MARK3: variants seen among roughly 807,000 people sequenced by gnomAD.
MARK3 encodes microtubule affinity regulating kinase 3, also known as MAP/microtubule affinity-regulating kinase 3.
A neutral mutation model predicts 90.1 loss-of-function variants in MARK3; 46 were observed. The ratio of observed to expected loss-of-function variants is 0.51; its 90% CI spans 0.40 to 0.65. MARK3 has a LOEUF of 0.65. Ranked by LOEUF, MARK3 falls within the 30% of genes least tolerant of loss-of-function variation. MARK3 has a pLI of 0.00. For missense variants in MARK3, 818 were observed against 947.2 expected (o/e 0.86, Z 1.79); for synonymous variants, 321 against 332.6 (o/e 0.97, Z 0.38).
chr14:103,424,130 A>G (rs2092320275), intron 2 of MARK3, among the ~76,000 whole-genome samples: 2 of 152,056 alleles, frequency 1.3e-5, no homozygotes, highest in Admixed American at 6.5e-5. Context: ...GAATTGCTCG[A>G]ACCCGGGAGG....
At chr14:103,387,467 CTTATTTATTTGT>C (rs1595395931) in intron 1 of MARK3, among the ~76,000 whole-genome samples, 1 of 136,600 alleles carries the variant, frequency 7.3e-6, no homozygotes, top group Non-Finnish European at 1.7e-5. Context: ...TTAAAGAAAC[CTTATTTATTTGT>C]TTATTTATTT....
chr14:103,480,736 G>T (rs1855128180), intron 14 of MARK3, among the ~76,000 whole-genome samples: 2 of 152,206 alleles, frequency 1.3e-5, no homozygotes, highest in African/African-American at 4.8e-5. Flanking sequence ...AACCCAGGGG[G>T]TTTCCTAGAG....
Position 103,473,615 on chromosome 14 carries a change from C to T in MARK3, c.1265-1378C>T, listed in dbSNP as rs144466242. Among the ~76,000 whole-genome samples the T allele has an allele frequency of 7.9e-5, 12 of 152,286 alleles. No homozygotes were observed. In the East Asian group the frequency reaches 1.2e-3, roughly 15 times the overall value. ...CGAAAGCTTAGTTGTTGTTCTCCCACAAATAAAATTAAGCCCTCATTTACT... is the reference window on the plus strand; with the variant it reads ...CGAAAGCTTAGTTGTTGTTCTCCCATAAATAAAATTAAGCCCTCATTTACT... On this transcript the variant is annotated intron_variant, in intron 12 of 17. Transcript: ENST00000429436.
chr14:103,473,463 C>G (rs1188223368), intron 12 of MARK3, among the ~76,000 whole-genome samples: 1 of 152,162 alleles, frequency 6.6e-6, no homozygotes, highest in Non-Finnish European at 1.5e-5. Context: ...GAAAGCCAAT[C>G]AGTAGTAATC....
chr14:103,419,490 T>G (rs2092114511), intron 2 of MARK3, among the ~76,000 whole-genome samples: 1 of 152,148 alleles, frequency 6.6e-6, no homozygotes, highest in Non-Finnish European at 1.5e-5. Flanking sequence ...CCAAAGCAAA[T>G]TATTGAAAAG....
intron 5 of MARK3, among the ~76,000 whole-genome samples, chr14:103,453,533 A>G (rs988953897): frequency 6.6e-6 from 1 of 152,240 alleles, no homozygotes; most frequent in African/African-American, 2.4e-5. Context: ...TGTAGTAAGC[A>G]TACCTTTGAC....
chr14:103,492,035 G>T lies in MARK3; in HGVS notation c.1844+1G>T. On this transcript the variant is annotated splice_donor_variant, in intron 15 of 17. Coordinates refer to ENST00000429436, the MANE Select transcript of MARK3 (RefSeq NM_001128918.3). LOFTEE classifies it high-confidence loss of function. Reference sequence around the variant, plus strand: ...AATTAACTTCAAAACTCACAAGGAGGTAAGTGCTAGGTGCTGGTTGTTTTG... The same window carrying T: ...AATTAACTTCAAAACTCACAAGGAGTTAAGTGCTAGGTGCTGGTTGTTTTG... 6.2e-7 allele frequency: 1 copy of T among 1,613,962 alleles called. No homozygotes were observed. Among genetic ancestry groups the T allele is most frequent in the Non-Finnish European group, 8.5e-7 (1 of 1,179,892 alleles).
intron 14 of MARK3, among the ~76,000 whole-genome samples, chr14:103,487,299 G>A (rs1278229518): frequency 6.6e-6 from 1 of 151,508 alleles, no homozygotes; most frequent in Non-Finnish European, 1.5e-5. Flanking sequence ...AGACCAGCCT[G>A]GGCCATGACG....
At position 103,490,187 on chromosome 14, in the gene MARK3, C is replaced by T. The variant is rs182493580; in HGVS notation, c.1587-1590C>T. The T allele has an allele frequency of 8.0e-4, 122 of 152,132 alleles. 1 individual carries two copies. The highest frequency in any genetic ancestry group is 4.3e-3 in the Admixed American group (66 of 15,260). The allele number at this position is 152,132 out of a possible 1,614,324, so 9.4% of individuals were successfully genotyped here. A position where few individuals can be genotyped will look rare whatever the true frequency, so the allele number is the denominator to read the frequency against. On this transcript the variant is annotated intron_variant, in intron 14 of 17. Coordinates refer to ENST00000429436, the MANE Select transcript of MARK3 (RefSeq NM_001128918.3). ...AAAATTAGCCAGGCATGGTGGAGTG[C>T]GCCTGTATTCCCAGCCACTTAGGAG... is the stretch of plus-strand genomic sequence containing the variant.
intron 1 of MARK3, among the ~76,000 whole-genome samples, chr14:103,403,761 A>G (rs2091109513): frequency 6.6e-6 from 1 of 152,214 alleles, no homozygotes; most frequent in Non-Finnish European, 1.5e-5. Context: ...TTATCATTTT[A>G]GTCTTTTATC....
intron 15 of MARK3, among the ~76,000 whole-genome samples, chr14:103,495,377 G>A (rs1189516977): frequency 1.3e-5 from 2 of 152,144 alleles, no homozygotes; most frequent in African/African-American, 4.8e-5. Context: ...CTATTTGGAA[G>A]GGTGAGGCAA....
In MARK3 at chr14:103,428,437, A is replaced by G; in HGVS notation, c.294A>G (p.Gln98=). 3 of 1,507,540 alleles carry G rather than the reference A, an allele frequency of 2.0e-6. No individual in the cohort carries two copies. 93.4% of individuals were successfully genotyped at this position (1,507,540 alleles called of 1,614,324 possible). ...DKTQLNPTSL[Q]KLFREVRIMK... ...CTCAGTTGAATCCAACAAGTCTACA[A>G]AAGGTAAGATTGGTTCAATGTCTAG... Residue 98 remains glutamine (Q), a synonymous_variant, in exon 3 of 18, where the codon CAA becomes CAG. Transcript: ENST00000429436.
intron 11 of MARK3, 38 bp from the exon 12 acceptor site, chr14:103,467,994 CG>C: frequency 6.3e-7 from 1 of 1,599,318 alleles, no homozygotes; most frequent in South Asian, 1.1e-5. Context: ...CATTTGGGTT[CG>C]TGTTGTGGTT....
At chr14:103,418,219 C>CTTTTTTTTTT (rs36012703) in intron 2 of MARK3, among the ~76,000 whole-genome samples, 29 of 61,666 alleles carry the variant, frequency 4.7e-4, no homozygotes, top group East Asian at 1.5e-3. Context: ...ATAGTAAAGG[C>CTTTTTTTTTT]TTTTTTTTTT....
chr14:103,457,118 T>TA, intron 5 of MARK3, 24 bp from the exon 6 acceptor site: 1 of 1,449,334 alleles, frequency 6.9e-7, no homozygotes, highest in Non-Finnish European at 9.6e-7. Flanking sequence ...GATTTCTACT[T>TA]ACTTTTATTT....
intron 1 of MARK3, among the ~76,000 whole-genome samples, chr14:103,390,625 G>C (rs1330352893): frequency 6.6e-6 from 1 of 152,200 alleles, no homozygotes; most frequent in Non-Finnish European, 1.5e-5. Flanking sequence ...TTTTAACAAA[G>C]TTTATGAATT....
Position 103,458,462 on chromosome 14 carries a change from A to AAG in MARK3, c.483+1251_483+1252insGA, listed in dbSNP as rs1338352352. 1.1e-3 allele frequency among the ~76,000 whole-genome samples: 163 copies of AAG among 147,836 alleles called. 5 individuals are homozygous for AAG. Among genetic ancestry groups the AAG allele is most frequent in the South Asian group, 0.011 (50 of 4,680 alleles). ...TGACAGAGACTCCATCTCAAAAAAAAAAAAAAAAAAAAAGAAGCAGCAGCT... is the reference window on the plus strand; with the variant it reads ...TGACAGAGACTCCATCTCAAAAAAAAAGAAAAAAAAAAAAAGAAGCAGCAGCT... On this transcript the variant is annotated intron_variant, in intron 6 of 17. Coordinates refer to ENST00000429436, the MANE Select transcript of MARK3 (RefSeq NM_001128918.3).
At chr14:103,498,470 A>ATTTTTTTTTTTTTTTTTTTTATT in intron 15 of MARK3, 32 bp from the exon 16 acceptor site, 1 of 1,052,554 alleles carries the variant, frequency 9.5e-7, no homozygotes, top group Non-Finnish European at 1.3e-6. Flanking sequence ...ATTTTTGTTA[A>ATTTTTTTTTTTTTTTTTTTTATT]TTTTTTTTTT....
In MARK3 at chr14:103,426,344, A is replaced by G. The variant is rs530995560; in HGVS notation, c.244-2043A>G. 1.4e-4 allele frequency among the ~76,000 whole-genome samples: 21 copies of G among 149,146 alleles called. 1 individual carries two copies. Among genetic ancestry groups the G allele is most frequent in the Non-Finnish European group, 2.4e-4 (16 of 67,612 alleles). On this transcript the variant is annotated intron_variant, in intron 2 of 17. Coordinates refer to ENST00000429436, the MANE Select transcript of MARK3 (RefSeq NM_001128918.3). ...GTAGATATTCGTTGATACAACCCAC[A>G]TTTGGGGGAATGAGTAATCTTTAAA... is the stretch of plus-strand genomic sequence containing the variant.
Sources: gnomAD v4.1 joint callset for allele counts (sites outside exome capture counted in the v4.1 genomes callset) on GRCh38, gnomAD v4.1.1 for gene constraint, MANE v1.5 for transcripts, NCBI Gene and HGNC (gene_info 2026-07-23, HGNC 2026-07-21) for gene names.